The following WDR3 variants were observed in gnomAD, a reference collection of about 807,000 sequenced individuals.
WDR3 encodes the protein WD repeat domain 3.
WDR3 carries 81 observed loss-of-function variants against 123.7 expected under a neutral mutation model. That is an observed-to-expected ratio of 0.65 (90% CI 0.55 to 0.79). The LOEUF (loss-of-function observed/expected upper bound fraction) is 0.79, where lower values mean the gene tolerates loss of function less well. WDR3 is among the 30% of genes least tolerant of loss of function. The pLI, the probability that WDR3 is intolerant of heterozygous loss-of-function variation, is 0.00. For synonymous variants in WDR3, 390 were observed against 388.8 expected (o/e 1.00, Z -0.04); for missense variants, 1,027 against 1,123.2 (o/e 0.91, Z 1.22).
In WDR3 at chr1:117,940,901, A is replaced by G. The variant is rs1300899539; in HGVS notation, c.750A>G (p.Ala250=). The G allele has an allele frequency of 6.2e-7, 1 of 1,614,100 alleles. No homozygotes were observed. Among genetic ancestry groups the G allele is most frequent in the South Asian group, 1.1e-5 (1 of 91,016 alleles). The change falls in exon 7 of 27, where the codon GCA becomes GCG. Residue 250 remains alanine (A), a synonymous_variant. Transcript: ENST00000349139. ...CTGGAATACAAGATACTCTTGAGGCAGAGGATGGTGCCTTTGAGACGGATG... is the reference window on the plus strand; with the variant it reads ...CTGGAATACAAGATACTCTTGAGGCGGAGGATGGTGCCTTTGAGACGGATG... ...SSPGIQDTLE[A]EDGAFETDEA... is the part of the protein sequence containing the mutation.
chr1:117,929,758 G>T lies in WDR3; in HGVS notation c.-57G>T, dbSNP rs1455700173. 2 of 152,408 alleles carry T rather than the reference G, an allele frequency of 1.3e-5. No individual in the cohort carries two copies. Among genetic ancestry groups the T allele is most frequent in the African/African-American group, 4.8e-5 (2 of 41,474 alleles). The allele number at this position is 152,408 out of a possible 1,614,324, so 9.4% of individuals were successfully genotyped here. A position where few individuals can be genotyped will look rare whatever the true frequency, so the allele number is the denominator to read the frequency against. ...GCAGGTCTTGTGGGCGGGTCCAATCGGCTGGGAGCCTCGTGGAGGCTGAGG... is the reference window on the plus strand; with the variant it reads ...GCAGGTCTTGTGGGCGGGTCCAATCTGCTGGGAGCCTCGTGGAGGCTGAGG... On this transcript the variant is annotated 5_prime_UTR_variant, in exon 1 of 27. Coordinates refer to ENST00000349139, the MANE Select transcript of WDR3 (RefSeq NM_006784.3).
At chr1:117,954,487 C>A in intron 22 of WDR3, 93 bp from the exon 23 acceptor site, 1 of 1,307,392 alleles carries the variant, frequency 7.6e-7, no homozygotes, top group Non-Finnish European at 1.1e-6. Context: ...TTTCCCTTTT[C>A]AAAATTATAA....
intron 25 of WDR3, among the ~76,000 whole-genome samples, chr1:117,958,637 A>G (rs1157702255): frequency 6.6e-6 from 1 of 152,214 alleles, no homozygotes; most frequent in East Asian, 1.9e-4. Context: ...CAAAATCTGT[A>G]GCCACTGGCA....
intron 6 of WDR3, among the ~76,000 whole-genome samples, chr1:117,940,539 G>A (rs1329333763): frequency 6.6e-6 from 1 of 152,106 alleles, no homozygotes; most frequent in Non-Finnish European, 1.5e-5. Flanking sequence ...GCCAGCCTGG[G>A]CAATATGGCA....
At position 117,959,298 on chromosome 1, in the gene WDR3, A is replaced by G; in HGVS notation, c.2683A>G (p.Ile895Val). Residue 895 changes from isoleucine to valine, a missense_variant, in exon 27 of 27, where the codon ATC becomes GTC. By Grantham distance (29) the Ile-to-Val change is conservative. Transcript: ENST00000349139. ...ISKVSQVRDVIGFNMAGLDYL... is the reference protein window; with the variant it reads ...ISKVSQVRDVVGFNMAGLDYL... ...TTCTTGTATTGCACTCCAGGATGTT[A>G]TCGGCTTCAATATGGCTGGTCTTGA... 2 of 1,610,596 alleles carry G rather than the reference A, an allele frequency of 1.2e-6. No homozygotes were observed. Among genetic ancestry groups the G allele is most frequent in the Non-Finnish European group, 1.7e-6 (2 of 1,179,096 alleles).
intron 25 of WDR3, among the ~76,000 whole-genome samples, chr1:117,958,369 C>T (rs897124044): frequency 2.0e-5 from 3 of 152,132 alleles, no homozygotes; most frequent in East Asian, 1.9e-4. Context: ...CTATGGTATA[C>T]GTGCTATTGA....
intron 12 of WDR3, among the ~76,000 whole-genome samples, chr1:117,947,798 C>G (rs1333333681): frequency 1.3e-5 from 2 of 152,220 alleles, no homozygotes; most frequent in African/African-American, 2.4e-5. Context: ...GGCTTTGCCT[C>G]TGTGTGTGTT....
chr1:117,952,395 T>C lies in WDR3; in HGVS notation c.2003T>C (p.Ile668Thr). ...KQWDADKFEHIQTLEGHHQEI... is the reference protein window; with the variant it reads ...KQWDADKFEHTQTLEGHHQEI... ...TGGGATGCAGACAAATTTGAACACATACAGACTCTGGAGGTAACCACATGC... is the reference window on the plus strand; with the variant it reads ...TGGGATGCAGACAAATTTGAACACACACAGACTCTGGAGGTAACCACATGC... Residue 668 changes from isoleucine to threonine, a missense_variant, in exon 18 of 27, where the codon ATA becomes ACA. By Grantham distance (89) the Ile-to-Thr change is moderately conservative (BLOSUM62 -1). Coordinates refer to ENST00000349139, the MANE Select transcript of WDR3 (RefSeq NM_006784.3). 4.3e-6 allele frequency: 7 copies of C among 1,612,634 alleles called. No homozygotes were observed. The highest frequency in any genetic ancestry group is 5.9e-6 in the Non-Finnish European group (7 of 1,179,290).
chr1:117,946,534 C>T (rs1408699712), intron 12 of WDR3, among the ~76,000 whole-genome samples: 1 of 152,038 alleles, frequency 6.6e-6, no homozygotes, highest in Non-Finnish European at 1.5e-5. Flanking sequence ...CAGACAGAAG[C>T]ATTCAGTAAA....
chr1:117,935,494 A>G (rs1276240670), intron 3 of WDR3, among the ~76,000 whole-genome samples: 1 of 152,070 alleles, frequency 6.6e-6, no homozygotes, highest in Admixed American at 6.5e-5. Context: ...CCAAATGGAA[A>G]TCTCAGAAAC....
At chr1:117,955,945 G>A (rs1004581101) in intron 24 of WDR3, among the ~76,000 whole-genome samples, 3 of 152,084 alleles carry the variant, frequency 2.0e-5, no homozygotes, top group Admixed American at 1.3e-4. Flanking sequence ...CTGACCAGTA[G>A]GCATAAGCTT....
In WDR3 at chr1:117,953,885, G is replaced by A. The variant is rs901726852; in HGVS notation, c.2269-122G>A. 26 of 801,082 alleles carry A rather than the reference G, an allele frequency of 3.2e-5. No individual in the cohort carries two copies. In the East Asian group the frequency reaches 3.7e-4, roughly 12 times the overall value. 49.6% of individuals were successfully genotyped at this position (801,082 alleles called of 1,614,324 possible). A position where few individuals can be genotyped will look rare whatever the true frequency, so the allele number is the denominator to read the frequency against. ...ATGCTTTTTGGCACTCTATTCGCAC[G>A]TCTTTATTAAACAGATTGAAGCTAT... On this transcript the variant is annotated intron_variant, in intron 21 of 26. Coordinates refer to ENST00000349139, the MANE Select transcript of WDR3 (RefSeq NM_006784.3).
chr1:117,943,442 T>C lies in WDR3; in HGVS notation c.1144T>C (p.Phe382Leu), dbSNP rs888363192. Residue 382 changes from phenylalanine to leucine, a missense_variant, in exon 11 of 27, where the codon TTC becomes CTC. By Grantham distance (22) the Phe-to-Leu change is conservative. Coordinates refer to ENST00000349139, the MANE Select transcript of WDR3 (RefSeq NM_006784.3). ...ACCTCACGGAGAGTTAAAGGCTGTC[T>C]TCCTGCTGCAGAACAACCTGGTGGA... is the stretch of plus-strand genomic sequence containing the variant. ...HSPHGELKAV[F>L]LLQNNLVELY... The C allele has an allele frequency of 2.5e-5, 40 of 1,614,046 alleles. No homozygotes were observed. Among genetic ancestry groups the C allele is most frequent in the Admixed American group, 8.3e-5 (5 of 60,004 alleles).
chr1:117,954,749 C>G, intron 23 of WDR3, 122 bp downstream of exon 23: 2 of 1,052,060 alleles, frequency 1.9e-6, no homozygotes, highest in Non-Finnish European at 2.8e-6. Context: ...CTTCAAAAGT[C>G]TCTTTTGAAT....
chr1:117,941,276 A>G (rs768480259), intron 8 of WDR3, 51 bp downstream of exon 8: 1 of 1,546,602 alleles, frequency 6.5e-7, no homozygotes. Context: ...GTTCCTTCCA[A>G]ACACTCATTC....
intron 24 of WDR3, 136 bp from the exon 25 acceptor site, chr1:117,956,932 T>A: frequency 3.1e-6 from 2 of 647,962 alleles, no homozygotes; most frequent in South Asian, 6.9e-5. Flanking sequence ...AGCTTACAGA[T>A]GAATATTTAA....
chr1:117,950,558 A>T (rs1651573051), intron 15 of WDR3, among the ~76,000 whole-genome samples: 1 of 152,062 alleles, frequency 6.6e-6, no homozygotes, highest in Non-Finnish European at 1.5e-5. Context: ...AATGCCCTGG[A>T]ATCTTTTCAG....
At chr1:117,943,271 A>C in intron 10 of WDR3, 125 bp from the exon 11 acceptor site, 2 of 862,756 alleles carry the variant, frequency 2.3e-6, no homozygotes, top group South Asian at 3.6e-5. Context: ...CTCTTACTTG[A>C]AAAATTGTTT....
In WDR3 at chr1:117,959,475, T is replaced by C. The variant is rs1352939985; in HGVS notation, c.*28T>C. On this transcript the variant is annotated 3_prime_UTR_variant, in exon 27 of 27. Transcript: ENST00000349139. ...CTGAAATGTGGTATCTTTTTTTTTTTCAACTTTTTCCTTTAAAGGACTCCT... is the reference window on the plus strand; with the variant it reads ...CTGAAATGTGGTATCTTTTTTTTTTCCAACTTTTTCCTTTAAAGGACTCCT... The C allele has an allele frequency of 1.3e-6, 2 of 1,553,330 alleles. No individual in the cohort carries two copies. The highest frequency in any genetic ancestry group is 2.1e-5 in the Admixed American group (1 of 47,600).
Sources: allele counts gnomAD v4.1 joint callset (sites outside exome capture counted in the v4.1 genomes callset), GRCh38; gene constraint gnomAD v4.1.1; transcripts MANE v1.5; gene names NCBI Gene and HGNC (gene_info 2026-07-23, HGNC 2026-07-21).